The following TKTL1 variants were observed in gnomAD, a reference collection of about 807,000 sequenced individuals.
TKTL1 encodes the protein transketolase-like protein 1.
TKTL1 carries 1 observed loss-of-function variant against 39.3 expected under a neutral mutation model. The observed-to-expected ratio is 0.03, with a 90% confidence interval of 0.01 to 0.12. The LOEUF is 0.12. Ranked by LOEUF, TKTL1 falls within the 10% of genes least tolerant of loss-of-function variation. TKTL1 has a pLI of 1.00. For synonymous variants in TKTL1, 262 were observed against 193.8 expected (o/e 1.35, Z -2.92); for missense variants, 575 against 509.6 (o/e 1.13, Z -1.24).
chrX:154,320,168 T>C (rs1557170277), intron 7 of TKTL1: 1 of 112,556 alleles, frequency 8.9e-6, no homozygotes, highest in African/African-American at 3.2e-5. Context: ...TCAGGCAGCC[T>C]CTTGGTTTTG....
intron 7 of TKTL1, among the ~76,000 whole-genome samples, chrX:154,319,483 G>A (rs112184707): frequency 0.026 from 2,930 of 111,819 alleles, 96 homozygotes; most frequent in African/African-American, 0.088. Flanking sequence ...GCTCACGCCC[G>A]TAATCCCAGA....
chrX:154,300,622 T>C (rs1166734351), intron 1 of TKTL1, among the ~76,000 whole-genome samples: 1 of 112,169 alleles, frequency 8.9e-6, no homozygotes, highest in Admixed American at 9.5e-5. Context: ...GCATTTATTT[T>C]GTAACCTGAG....
chrX:154,312,599 T>C lies in TKTL1; in HGVS notation c.690T>C (p.Ser230=). ...RGTPSIEDAE[S]WHAKPMPRER... ...TTACAGGTATTGAGGATGCAGAAAGTTGGCATGCAAAGCCAATGCCGAGAG... is the reference window on the plus strand; with the variant it reads ...TTACAGGTATTGAGGATGCAGAAAGCTGGCATGCAAAGCCAATGCCGAGAG... The change falls in exon 6 of 13, where the codon AGT becomes AGC. Residue 230 remains serine, a synonymous_variant. Coordinates refer to ENST00000369915, the MANE Select transcript of TKTL1 (RefSeq NM_012253.4). 8.3e-7 allele frequency: 1 copy of C among 1,209,137 alleles called. No individual in the cohort carries two copies. The highest frequency in any genetic ancestry group is 1.1e-6 in the Non-Finnish European group (1 of 894,059).
chrX:154,329,626 G>C lies in TKTL1; in HGVS notation c.1729G>C (p.Asp577His). 8.3e-7 allele frequency: 1 copy of C among 1,211,785 alleles called. No homozygotes were observed. The highest frequency in any genetic ancestry group is 1.8e-5 in the South Asian group (1 of 56,998). ...GAGTGGGAAGTCCGAGGAATTGCTG[G>C]ATATGTATGGAATTAGTGCCAGACA... ...PQSGKSEELL[D>H]MYGISARHII... is the part of the protein sequence containing the mutation. The change falls in exon 13 of 13, where the codon GAT (aspartate) becomes CAT (histidine). Residue 577 changes from aspartate to histidine, a missense_variant. Asp to His is a moderately conservative substitution (Grantham distance 81). Transcript: ENST00000369915.
chrX:154,328,015 T>C, intron 12 of TKTL1, 57 bp downstream of exon 12: 1 of 1,183,407 alleles, frequency 8.5e-7, no homozygotes, highest in East Asian at 3.0e-5. Context: ...TTTCCTTGAT[T>C]GGCCACATGG....
At chrX:154,328,481 G>T (rs1336960772) in intron 12 of TKTL1, among the ~76,000 whole-genome samples, 1 of 91,594 alleles carries the variant, frequency 1.1e-5, no homozygotes, top group Non-Finnish European at 2.1e-5. Flanking sequence ...AGGAGGTGGA[G>T]GTTGCAGTGA....
At chrX:154,301,516 C>CA (rs2067273151) in intron 1 of TKTL1, among the ~76,000 whole-genome samples, 1 of 111,710 alleles carries the variant, frequency 9.0e-6, no homozygotes, top group African/African-American at 3.3e-5. Context: ...GACTGTGTCT[C>CA]AAAAAATAAA....
chrX:154,295,946 C>T lies in TKTL1; in HGVS notation c.87C>T (p.Ser29=). ...TGCAGGTGTTGCAAGATATGGCCAG[C>T]CGCTTGCGAATCCATTCCATCAGGG... ...GTLQVLQDMA[S]RLRIHSIRAT... The change falls in exon 1 of 13, where the codon AGC becomes AGT. Residue 29 remains serine (S), a synonymous_variant. Transcript: ENST00000369915. The T allele has an allele frequency of 8.3e-7, 1 of 1,211,766 alleles. No individual in the cohort carries two copies. The highest frequency in any genetic ancestry group is 1.1e-6 in the Non-Finnish European group (1 of 895,398).
chrX:154,312,452 CTG>C, intron 5 of TKTL1, 126 bp from the exon 6 acceptor site: 1 of 643,978 alleles, frequency 1.6e-6, no homozygotes, highest in Middle Eastern at 4.5e-4. Context: ...CCCAGGCCCT[CTG>C]TGCCAGGTGT....
chrX:154,325,020 A>T (rs1557171629), intron 9 of TKTL1, among the ~76,000 whole-genome samples: 1 of 112,117 alleles, frequency 8.9e-6, no homozygotes, highest in East Asian at 2.8e-4. Context: ...TTAACATTCT[A>T]TTCGGGCTTT....
chrX:154,315,285 A>G lies in TKTL1; in HGVS notation c.977A>G (p.Asn326Ser), dbSNP rs782520963. 6 of 1,211,480 alleles carry G rather than the reference A, an allele frequency of 5.0e-6. No individual in the cohort carries two copies. The South Asian group carries it at 1.1e-4, about 21-fold the overall frequency. Residue 326 changes from asparagine (N) to serine (S), a missense_variant, in exon 7 of 13, where the codon AAC becomes AGC. Asn to Ser is a conservative substitution (Grantham distance 46). Coordinates refer to ENST00000369915, the MANE Select transcript of TKTL1 (RefSeq NM_012253.4). ...TACTCTACTTTCTCTGAGATATTCA[A>G]CAAGGAGTACCCTGAGCGCTTCATC... ...TRYSTFSEIFNKEYPERFIEC... is the reference protein window; with the variant it reads ...TRYSTFSEIFSKEYPERFIEC...
intron 7 of TKTL1, among the ~76,000 whole-genome samples, chrX:154,317,840 C>T (rs972078690): frequency 9.0e-6 from 1 of 110,510 alleles, no homozygotes; most frequent in African/African-American, 3.3e-5. Context: ...GGTGTCACCT[C>T]TTGAGATTGA....
chrX:154,310,232 G>A (rs1316337520), intron 3 of TKTL1, among the ~76,000 whole-genome samples: 2 of 110,582 alleles, frequency 1.8e-5, no homozygotes, highest in Non-Finnish European at 3.8e-5. Context: ...CGAGGTGGGC[G>A]GATCGCCTGA....
intron 1 of TKTL1, among the ~76,000 whole-genome samples, chrX:154,300,992 G>A (rs782383015): frequency 1.2e-4 from 13 of 110,059 alleles, no homozygotes; most frequent in African/African-American, 4.3e-4. Context: ...AACCGCGCCT[G>A]GCCTAGGGTT....
Position 154,295,968 on chromosome X carries a change from A to G in TKTL1, c.109A>G (p.Arg37Gly), listed in dbSNP as rs1557164303. The change falls in exon 1 of 13, where the codon AGG (arginine) becomes GGG (glycine). Residue 37 changes from arginine (R) to glycine (G), a missense_variant. Transcript: ENST00000369915. The part of the protein sequence containing the change: ...MASRLRIHSI[R>G]ATCSTSSGHP... ...CAGCCGCTTGCGAATCCATTCCATC[A>G]GGGCCACATGCTCCACGAGCTCCGG... 8.3e-7 allele frequency: 1 copy of G among 1,211,781 alleles called. No individual in the cohort carries two copies. Among genetic ancestry groups the G allele is most frequent in the South Asian group, 1.8e-5 (1 of 57,009 alleles).
At chrX:154,323,749 G>C (rs1243355856) in intron 9 of TKTL1, among the ~76,000 whole-genome samples, 2 of 112,654 alleles carry the variant, frequency 1.8e-5, no homozygotes, top group Non-Finnish European at 3.8e-5. Flanking sequence ...CATCCAGGAA[G>C]CTGGAGAGCG....
intron 6 of TKTL1, among the ~76,000 whole-genome samples, chrX:154,314,879 G>A (rs981920803): frequency 4.5e-5 from 5 of 110,331 alleles, no homozygotes; most frequent in Non-Finnish European, 3.8e-5. Flanking sequence ...TCACTCTTGA[G>A]CTGTGGAGTG....
chrX:154,324,580 G>C (rs782721597), intron 9 of TKTL1, among the ~76,000 whole-genome samples: 33 of 112,063 alleles, frequency 2.9e-4, no homozygotes, highest in African/African-American at 1.0e-3. Flanking sequence ...GCTTCATAGT[G>C]GGGGGAGACT....
chrX:154,318,579 G>C (rs1449588563), intron 7 of TKTL1, among the ~76,000 whole-genome samples: 18 of 108,077 alleles, frequency 1.7e-4, no homozygotes, highest in Non-Finnish European at 3.1e-4. Context: ...GTGGTGGTGG[G>C]TGCCTGTAGT....
Sources: gnomAD v4.1 joint callset for allele counts (sites outside exome capture counted in the v4.1 genomes callset) on GRCh38, gnomAD v4.1.1 for gene constraint, MANE v1.5 for transcripts, NCBI Gene and HGNC (gene_info 2026-07-23, HGNC 2026-07-21) for gene names.